The following NRCAM variants were observed in gnomAD, a reference collection of about 807,000 sequenced individuals.
NRCAM encodes the protein NgCAM-related cell adhesion molecule.
NRCAM carries 83 observed loss-of-function variants against 156.5 expected under a neutral mutation model. The observed-to-expected ratio is 0.53, with a 90% CI of 0.44 to 0.64. The LOEUF (loss-of-function observed/expected upper bound fraction) is 0.64. Among genes scored for constraint, NRCAM ranks in the 30% least tolerant of loss-of-function variants. NRCAM has a pLI of 0.00. For missense variants in NRCAM, 1,417 were observed against 1,597.3 expected (o/e 0.89, Z 1.92); for synonymous variants, 538 against 563.9 (o/e 0.95, Z 0.65).
At chr7:108,299,492 C>A (rs2098546697) in intron 3 of NRCAM, among the ~76,000 whole-genome samples, 1 of 152,002 alleles carries the variant, frequency 6.6e-6, no homozygotes, top group South Asian at 2.1e-4. Flanking sequence ...ATAAGAATAC[C>A]CAATGTAATA....
chr7:108,247,358 C>A lies in NRCAM; in HGVS notation c.-106-7188G>T, dbSNP rs537663001. ...TGATCCAAATGTGCAGGTCTCCTTA[C>A]AAGGTCATGGCCGAACCTAAATTAG... is the stretch of plus-strand genomic sequence containing the variant. On this transcript the variant is annotated intron_variant, in intron 3 of 32. Coordinates refer to ENST00000379028, the MANE Select transcript of NRCAM (RefSeq NM_001037132.4). Among the ~76,000 whole-genome samples the A allele has an allele frequency of 2.0e-5, 3 of 152,312 alleles. No homozygotes were observed. The East Asian group carries it at 5.8e-4, about 29-fold the overall frequency.
At chr7:108,198,130 T>C (rs1334119343) in intron 13 of NRCAM, 31 bp from the exon 14 acceptor site, 1 of 1,567,242 alleles carries the variant, frequency 6.4e-7, no homozygotes, top group Admixed American at 1.9e-5. Context: ...AAAGTATTTA[T>C]TCCTATTTGC....
At chr7:108,364,728 C>CAAA (rs34574826) in intron 2 of NRCAM, among the ~76,000 whole-genome samples, 1 of 132,472 alleles carries the variant, frequency 7.5e-6, no homozygotes, top group African/African-American at 2.8e-5. Flanking sequence ...TACGCTAAGT[C>CAAA]AAAAAAAAAA....
chr7:108,455,276 G>C (rs1483685258), intron 1 of NRCAM, among the ~76,000 whole-genome samples: 3 of 152,166 alleles, frequency 2.0e-5, no homozygotes, highest in Non-Finnish European at 4.4e-5. Flanking sequence ...ACCAGGATGC[G>C]GCAGCGCCCA....
intron 30 of NRCAM, among the ~76,000 whole-genome samples, chr7:108,160,734 C>T (rs10224607): frequency 1.3e-5 from 2 of 152,190 alleles, no homozygotes; most frequent in Non-Finnish European, 2.9e-5. Context: ...ATGCTAAAAA[C>T]CCCTGGTGAA....
At chr7:108,194,452 TGAG>T (rs1467391774) in intron 15 of NRCAM, 24 bp from the exon 16 acceptor site, 3 of 1,525,972 alleles carry the variant, frequency 2.0e-6, no homozygotes, top group South Asian at 1.2e-5. Flanking sequence ...ATTATCACAA[TGAG>T]AATAAAAACA....
chr7:108,208,465 C>A (rs535572975), intron 12 of NRCAM, among the ~76,000 whole-genome samples: 5 of 152,274 alleles, frequency 3.3e-5, no homozygotes, highest in Admixed American at 2.6e-4. Context: ...TCTTATGTGA[C>A]CATGGTCTAG....
At position 108,148,837 on chromosome 7, in the gene NRCAM, T is replaced by A. The variant is rs1281708751; in HGVS notation, c.*1073A>T. The A allele has an allele frequency of 1.3e-5, 2 of 152,510 alleles. No homozygotes were observed. Among genetic ancestry groups the A allele is most frequent in the East Asian group, 3.8e-4 (2 of 5,204 alleles). The allele number at this position is 152,510 out of a possible 1,614,324, so 9.4% of individuals were successfully genotyped here. On this transcript the variant is annotated 3_prime_UTR_variant, in exon 33 of 33. Coordinates refer to ENST00000379028, the MANE Select transcript of NRCAM (RefSeq NM_001037132.4). Reference sequence around the variant, plus strand: ...ATAGAAACCATAAAGGACCACAAAATCATCATGTGCTTCAGTTGGCAACAA... The same window carrying A: ...ATAGAAACCATAAAGGACCACAAAAACATCATGTGCTTCAGTTGGCAACAA...
chr7:108,326,386 TG>T (rs2099068632), intron 2 of NRCAM, among the ~76,000 whole-genome samples: 2 of 152,194 alleles, frequency 1.3e-5, no homozygotes, highest in South Asian at 4.1e-4. Context: ...ATCAATGGCA[TG>T]GCAGTAAGTA....
chr7:108,383,081 T>C (rs971977480), intron 2 of NRCAM, among the ~76,000 whole-genome samples: 3 of 151,886 alleles, frequency 2.0e-5, no homozygotes, highest in African/African-American at 7.3e-5. Flanking sequence ...GGAAGTGTGT[T>C]CCAATGTAGT....
intron 2 of NRCAM, among the ~76,000 whole-genome samples, chr7:108,347,384 AG>A (rs1357002989): frequency 6.6e-6 from 1 of 152,142 alleles, no homozygotes; most frequent in Non-Finnish European, 1.5e-5. Context: ...ATGTATCTCA[AG>A]GAAGTAAGGC....
chr7:108,173,514 G>A (rs543718256), intron 28 of NRCAM, among the ~76,000 whole-genome samples: 1 of 152,242 alleles, frequency 6.6e-6, no homozygotes, highest in South Asian at 2.1e-4. Flanking sequence ...TTGAAAAAAA[G>A]AAGTATTTTT....
chr7:108,256,827 C>G (rs2153970182), intron 3 of NRCAM, among the ~76,000 whole-genome samples: 1 of 151,836 alleles, frequency 6.6e-6, no homozygotes, highest in Non-Finnish European at 1.5e-5. Flanking sequence ...ACCAGCCTGG[C>G]CAACACGGCA....
At chr7:108,275,062 C>CCAG (rs1217005588) in intron 3 of NRCAM, among the ~76,000 whole-genome samples, 1 of 152,172 alleles carries the variant, frequency 6.6e-6, no homozygotes, top group Admixed American at 6.5e-5. Flanking sequence ...GTATGTTGAA[C>CCAG]CAGCCTTGCA....
intron 3 of NRCAM, among the ~76,000 whole-genome samples, chr7:108,271,963 G>C (rs953621170): frequency 2.0e-5 from 3 of 152,136 alleles, no homozygotes; most frequent in Non-Finnish European, 4.4e-5. Context: ...CTGAACAAAT[G>C]AAGTGATTGA....
chr7:108,159,463 C>G lies in NRCAM; in HGVS notation c.3677G>C (p.Ser1226Thr). The change falls in exon 32 of 33, where the codon AGT becomes ACT. Residue 1226 changes from serine (S) to threonine (T), a missense_variant and splice_region_variant. Ser to Thr is a moderately conservative substitution (Grantham distance 58). Coordinates refer to ENST00000379028, the MANE Select transcript of NRCAM (RefSeq NM_001037132.4). The part of the protein sequence containing the change: ...KEDDGTFGEY[S>T]DAEDHKPLKK... Reference sequence around the variant, plus strand: ...GAAGAGCAGAGAAGCAGGGGCTCACCTGTATTCTCCAAATGTCCCATCATC... The same window carrying G: ...GAAGAGCAGAGAAGCAGGGGCTCACGTGTATTCTCCAAATGTCCCATCATC... The G allele has an allele frequency of 4.3e-6, 7 of 1,612,694 alleles. No homozygotes were observed. Among genetic ancestry groups the G allele is most frequent in the Non-Finnish European group, 5.1e-6 (6 of 1,178,864 alleles).
chr7:108,418,886 A>C (rs1805393483), intron 1 of NRCAM, among the ~76,000 whole-genome samples: 1 of 152,158 alleles, frequency 6.6e-6, no homozygotes, highest in Non-Finnish European at 1.5e-5. Flanking sequence ...ATGCCACATA[A>C]ATATTCTGGG....
chr7:108,199,458 A>G (rs61040788), intron 13 of NRCAM, among the ~76,000 whole-genome samples: 6,387 of 152,300 alleles, frequency 0.042, 209 homozygotes, highest in East Asian at 0.12. Flanking sequence ...TAGAAGTCTG[A>G]CATGGGTCAC....
Position 108,285,669 on chromosome 7 carries a change from A to C in NRCAM, c.-107+26996T>G, listed in dbSNP as rs116666936. Among the ~76,000 whole-genome samples, 1,358 of 152,346 alleles carry C rather than the reference A, an allele frequency of 8.9e-3. 22 individuals carry two copies. Among genetic ancestry groups the C allele is most frequent in the African/African-American group, 0.03 (1,264 of 41,592 alleles). ...TTCAGAGACAGAATTGTCTAAAAGC[A>C]TTGGGAAGCTAGAAACAAAACTCCT... On this transcript the variant is annotated intron_variant, in intron 3 of 32. Coordinates refer to ENST00000379028, the MANE Select transcript of NRCAM (RefSeq NM_001037132.4).
Sources: gnomAD v4.1 joint callset for allele counts (sites outside exome capture counted in the v4.1 genomes callset) on GRCh38, gnomAD v4.1.1 for gene constraint, MANE v1.5 for transcripts, NCBI Gene and HGNC (gene_info 2026-07-23, HGNC 2026-07-21) for gene names.